NPM2: variants seen among roughly 807,000 people sequenced by gnomAD.
NPM2 encodes nucleoplasmin-2.
A neutral mutation model predicts 32.0 loss-of-function variants in NPM2; 25 were observed. The ratio of observed to expected loss-of-function variants is 0.78; its 90% CI spans 0.57 to 1.09. NPM2 has a LOEUF of 1.09. Among genes scored for constraint, NPM2 ranks in the 50% least tolerant of loss-of-function variants. NPM2 has a pLI of 0.00. For missense variants in NPM2, 282 were observed against 259.9 expected (o/e 1.08, Z -0.58); for synonymous variants, 111 against 94.2 (o/e 1.18, Z -1.04).
At position 22,025,454 on chromosome 8, in the gene NPM2, A is replaced by C; in HGVS notation, c.77A>C (p.Glu26Ala). Residue 26 changes from glutamate (E) to alanine (A), a missense_variant, in exon 4 of 10, where the codon GAG becomes GCG. Glu to Ala is a moderately radical substitution (Grantham distance 107). Coordinates refer to ENST00000518119, the MANE Select transcript of NPM2 (RefSeq NM_001286680.2). ...TCCGCAGGCTGCGAGCTCAGTCAGG[A>C]GAGGCGGACTTGGACCTTCAGACCC... ...TVLWGCELSQERRTWTFRPQL... is the reference protein window; with the variant it reads ...TVLWGCELSQARRTWTFRPQL... 1 of 1,614,082 alleles carries C rather than the reference A, an allele frequency of 6.2e-7. No individual in the cohort carries two copies. Among genetic ancestry groups the C allele is most frequent in the Non-Finnish European group, 8.5e-7 (1 of 1,179,998 alleles).
At chr8:22,027,153 T>C (rs190000848) in intron 5 of NPM2, among the ~76,000 whole-genome samples, 3 of 152,172 alleles carry the variant, frequency 2.0e-5, no homozygotes, top group Non-Finnish European at 4.4e-5. Context: ...TGTATACATG[T>C]GAGGTTGGCC....
chr8:22,034,407 A>G, intron 7 of NPM2, 103 bp from the exon 8 acceptor site: 1 of 1,352,888 alleles, frequency 7.4e-7, no homozygotes, highest in South Asian at 1.3e-5. Flanking sequence ...CACCTCAGCT[A>G]GTTCTGGCCA....
chr8:22,030,976 CTTTAG>C (rs1800420349), intron 5 of NPM2, among the ~76,000 whole-genome samples: 1 of 152,186 alleles, frequency 6.6e-6, no homozygotes, highest in Non-Finnish European at 1.5e-5. Context: ...GTGAGCTCAT[CTTTAG>C]TTTATTTTGT....
Position 22,024,769 on chromosome 8 carries a change from T to G in NPM2, c.-95T>G. The G allele has an allele frequency of 6.5e-6, 1 of 154,858 alleles. No individual in the cohort carries two copies. Among genetic ancestry groups the G allele is most frequent in the Non-Finnish European group, 1.4e-5 (1 of 69,900 alleles). 9.6% of individuals were successfully genotyped at this position (154,858 alleles called of 1,614,324 possible). On this transcript the variant is annotated 5_prime_UTR_variant, in exon 2 of 10. The change abolishes an upstream ATG in the 5' untranslated region. Coordinates refer to ENST00000518119, the MANE Select transcript of NPM2 (RefSeq NM_001286680.2). ...ACAGCCGCCTTCCGGCCAGAGGGGA[T>G]GAGGTTGCGCTGCGCTCCGGGAGCG...
rs147770231 is a variant in NPM2, at chr8:22,034,113, A to C, written c.369A>C (p.Ala123=). 1,135 of 1,593,368 alleles carry C rather than the reference A, an allele frequency of 7.1e-4. 9 individuals carry two copies. The African/African-American group carries it at 0.014, about 20-fold the overall frequency. ...VFLSGQERYE[A]SDLTWEEEEE... is the part of the protein sequence containing the mutation. Reference sequence around the variant, plus strand: ...TCCTTTCCCATGCTATTACAGAAGCATCAGACCTAACCTGGGAGGAGGAGG... The same window carrying C: ...TCCTTTCCCATGCTATTACAGAAGCCTCAGACCTAACCTGGGAGGAGGAGG... The change falls in exon 7 of 10, where the codon GCA becomes GCC. Residue 123 remains alanine (A), a synonymous_variant. Coordinates refer to ENST00000518119, the MANE Select transcript of NPM2 (RefSeq NM_001286680.2).
chr8:22,025,357 G>T, intron 3 of NPM2, 51 bp downstream of exon 3: 1 of 1,600,752 alleles, frequency 6.2e-7, no homozygotes, highest in South Asian at 1.1e-5. Context: ...CCTCCGGTGC[G>T]CGGCAGCTTG....
chr8:22,029,610 C>T (rs955917422), intron 5 of NPM2, among the ~76,000 whole-genome samples: 2 of 152,370 alleles, frequency 1.3e-5, no homozygotes, highest in South Asian at 4.1e-4. Flanking sequence ...CTAGCACCCA[C>T]TTCTTCCTTC....
At chr8:22,033,992 C>G (rs1444156160) in intron 6 of NPM2, 117 bp from the exon 7 acceptor site, 1 of 1,454,060 alleles carries the variant, frequency 6.9e-7, no homozygotes, top group Non-Finnish European at 9.1e-7. Flanking sequence ...CTGTCAACTC[C>G]AGGCTAGGAT....
Position 22,024,809 on chromosome 8 carries a change from G to A in NPM2, c.-55G>A. 1 of 160,928 alleles carries A rather than the reference G, an allele frequency of 6.2e-6. No homozygotes were observed. Among genetic ancestry groups the A allele is most frequent in the Non-Finnish European group, 1.3e-5 (1 of 74,208 alleles). The allele number at this position is 160,928 out of a possible 1,614,324, so 10.0% of individuals were successfully genotyped here. ...CTCCGGGAGCGCCGATGGCGTGACT[G>A]GCCCCGCGCGGAGCAGCGACAGTAA... On this transcript the variant is annotated 5_prime_UTR_variant, in exon 2 of 10. Transcript: ENST00000518119.
chr8:22,025,641 G>A lies in NPM2; in HGVS notation c.145-6G>A. On this transcript the variant is annotated splice_region_variant and splice_polypyrimidine_tract_variant and intron_variant, in intron 4 of 9. Transcript: ENST00000518119. ...ATGAGGGGCCTCTATTTTCAACCCC[G>A]CTCAGATTTGCTTGGGGGAGAAAGC... The A allele has an allele frequency of 6.2e-7, 1 of 1,614,096 alleles. No individual in the cohort carries two copies. Among genetic ancestry groups the A allele is most frequent in the African/African-American group, 1.3e-5 (1 of 75,020 alleles).
Position 22,036,518 on chromosome 8 carries a change from G to C in NPM2, c.592G>C (p.Val198Leu), listed in dbSNP as rs926970599. 6.2e-7 allele frequency: 1 copy of C among 1,601,466 alleles called. No homozygotes were observed. ...IRASVRDKSP[V>L]KKAKATARAK... ...AGCCAGCGTTAGAGACAAGAGCCCT[G>C]TGAAAAAGGTGAGTAGGACCAGAGG... The change falls in exon 9 of 10, where the codon GTG becomes CTG. Residue 198 changes from valine to leucine, a missense_variant. Coordinates refer to ENST00000518119, the MANE Select transcript of NPM2 (RefSeq NM_001286680.2).
chr8:22,035,421 G>A (rs1026809434), intron 8 of NPM2, among the ~76,000 whole-genome samples: 10 of 152,046 alleles, frequency 6.6e-5, no homozygotes, highest in Admixed American at 2.0e-4. Context: ...CTATAGGCAC[G>A]TGCCACTATG....
At chr8:22,025,181 G>A in intron 2 of NPM2, 35 bp from the exon 3 acceptor site, 1 of 1,553,674 alleles carries the variant, frequency 6.4e-7, no homozygotes, top group East Asian at 2.3e-5. Flanking sequence ...GTCAGGGTCA[G>A]GGAGCAAGGC....
Position 22,025,278 on chromosome 8 carries a change from G to T in NPM2, c.30G>T (p.Glu10Asp), listed in dbSNP as rs1324307898. The T allele has an allele frequency of 2.5e-6, 4 of 1,611,270 alleles. No homozygotes were observed. Among genetic ancestry groups the T allele is most frequent in the South Asian group, 1.1e-5 (1 of 90,702 alleles). The part of the protein sequence containing the change: MNLSSASST[E>D]EKAVTTVLWG... Reference sequence around the variant, plus strand: ...ATCTCAGTAGCGCCAGTAGCACGGAGGAAAAGGCAGTGACGACCGTGCTCT... The same window carrying T: ...ATCTCAGTAGCGCCAGTAGCACGGATGAAAAGGCAGTGACGACCGTGCTCT... The change falls in exon 3 of 10, where the codon GAG (glutamate) becomes GAT (aspartate). Residue 10 changes from glutamate (E) to aspartate (D), a missense_variant. Transcript: ENST00000518119.
At chr8:22,031,302 G>A (rs1042677619) in intron 5 of NPM2, among the ~76,000 whole-genome samples, 1 of 152,148 alleles carries the variant, frequency 6.6e-6, no homozygotes, top group East Asian at 1.9e-4. Flanking sequence ...GGGCTTTTGA[G>A]TCTCTAATCC....
chr8:22,033,280 G>A (rs890346040), intron 6 of NPM2, 57 bp downstream of exon 6: 32 of 1,290,108 alleles, frequency 2.5e-5, no homozygotes, highest in Non-Finnish European at 3.1e-5. Flanking sequence ...GCAGGGGCTC[G>A]GGACATACTA....
At position 22,034,109 on chromosome 8, in the gene NPM2, A is replaced by T; in HGVS notation, c.365A>T (p.Glu122Val). 6.3e-7 allele frequency: 1 copy of T among 1,584,460 alleles called. No homozygotes were observed. Among genetic ancestry groups the T allele is most frequent in the Non-Finnish European group, 8.6e-7 (1 of 1,167,750 alleles). ...PVFLSGQERY[E>V]ASDLTWEEEE... Reference sequence around the variant, plus strand: ...TGCATCCTTTCCCATGCTATTACAGAAGCATCAGACCTAACCTGGGAGGAG... The same window carrying T: ...TGCATCCTTTCCCATGCTATTACAGTAGCATCAGACCTAACCTGGGAGGAG... The change falls in exon 7 of 10, where the codon GAA (glutamate) becomes GTA (valine). Residue 122 changes from glutamate (E) to valine (V), a missense_variant and splice_region_variant. Coordinates refer to ENST00000518119, the MANE Select transcript of NPM2 (RefSeq NM_001286680.2).
chr8:22,026,753 T>C (rs71513855), intron 5 of NPM2, among the ~76,000 whole-genome samples: 3 of 152,162 alleles, frequency 2.0e-5, no homozygotes, highest in Non-Finnish European at 4.4e-5. Flanking sequence ...CCACGCCAGG[T>C]CTTTTTTCTT....
chr8:22,033,392 GTTC>G (rs964722500), intron 6 of NPM2, among the ~76,000 whole-genome samples, 169 bp downstream of exon 6: 65 of 152,320 alleles, frequency 4.3e-4, no homozygotes, highest in African/African-American at 1.5e-3. Flanking sequence ...GCTGGTCCCT[GTTC>G]TTCTTCTTTA....
Sources: allele counts gnomAD v4.1 joint callset (sites outside exome capture counted in the v4.1 genomes callset), GRCh38; gene constraint gnomAD v4.1.1; transcripts MANE v1.5; gene names NCBI Gene and HGNC (gene_info 2026-07-23, HGNC 2026-07-21).